The following LMTK2 variants were observed in gnomAD, a reference collection of about 807,000 sequenced individuals.
The protein encoded by LMTK2 is lemur tail kinase 2.
Under a neutral mutation model 127.5 loss-of-function variants are expected in LMTK2, and 37 were observed. That is an observed-to-expected ratio of 0.29 (90% CI 0.22 to 0.38). LMTK2 has a LOEUF of 0.38. LMTK2 is among the 10% of genes least tolerant of loss of function. The pLI, the probability that LMTK2 is intolerant of heterozygous loss-of-function variation, is 1.00. For synonymous variants in LMTK2, 819 were observed against 810.1 expected (o/e 1.01, Z -0.19); for missense variants, 1,694 against 1,920.3 (o/e 0.88, Z 2.20).
At chr7:98,154,920 C>A in intron 5 of LMTK2, 44 bp downstream of exon 5, 1 of 1,121,648 alleles carries the variant, frequency 8.9e-7, no homozygotes, top group South Asian at 1.2e-5. Flanking sequence ...AGTCTGTGGT[C>A]TGTTGAAGGT....
intron 2 of LMTK2, among the ~76,000 whole-genome samples, chr7:98,138,049 C>G (rs1290463330): frequency 6.6e-6 from 1 of 152,142 alleles, no homozygotes; most frequent in Non-Finnish European, 1.5e-5. Context: ...TAGAGAAGAT[C>G]TGGTTATAGC....
chr7:98,161,770 G>A (rs1797020127), intron 6 of LMTK2, among the ~76,000 whole-genome samples: 1 of 152,124 alleles, frequency 6.6e-6, no homozygotes, highest in Non-Finnish European at 1.5e-5. Context: ...AAAAAAGTTA[G>A]GACACAGAGA....
chr7:98,157,788 C>T (rs189283718), intron 5 of LMTK2, among the ~76,000 whole-genome samples: 14 of 152,190 alleles, frequency 9.2e-5, no homozygotes, highest in African/African-American at 3.4e-4. Context: ...TGAGAACATT[C>T]TAGAAATGGA....
chr7:98,170,134 A>T (rs563772436), intron 6 of LMTK2, among the ~76,000 whole-genome samples: 1 of 152,366 alleles, frequency 6.6e-6, no homozygotes, highest in Middle Eastern at 3.4e-3. Context: ...CCTACCATTT[A>T]TTAGCTCTGT....
intron 13 of LMTK2, among the ~76,000 whole-genome samples, chr7:98,204,605 T>C (rs1457879527): frequency 2.0e-5 from 3 of 152,152 alleles, no homozygotes; most frequent in African/African-American, 7.2e-5. Flanking sequence ...CCAGCATGGG[T>C]GACAGAGCAA....
chr7:98,193,619 G>A lies in LMTK2; in HGVS notation c.3154G>A (p.Ala1052Thr), dbSNP rs200084646. ...CTTGCATCCCGCTCCCGAGGGCACC[G>A]CAGACTCAGAACCAGCCACCACGGG... ...WTLHPAPEGT[A>T]DSEPATTGDG... Residue 1052 changes from alanine to threonine, a missense_variant, in exon 11 of 14, where the codon GCA becomes ACA. Physicochemically the swap from Ala to Thr is moderately conservative, Grantham distance 58. Transcript: ENST00000297293. The surrounding 1 kb of genome is among the most constrained non-coding windows in gnomAD (Gnocchi z 4.1). The A allele has an allele frequency of 1.2e-4, 199 of 1,613,862 alleles. No homozygotes were observed. The highest frequency in any genetic ancestry group is 1.2e-3 in the South Asian group (105 of 91,058).
At position 98,193,916 on chromosome 7, in the gene LMTK2, A is replaced by G; in HGVS notation, c.3451A>G (p.Ser1151Gly). 3 of 1,614,166 alleles carry G rather than the reference A, an allele frequency of 1.9e-6. No individual in the cohort carries two copies. Among genetic ancestry groups the G allele is most frequent in the Non-Finnish European group, 1.7e-6 (2 of 1,180,040 alleles). The part of the protein sequence containing the change: ...LPEQSPAAQD[S>G]CLEARKSQPD... The stretch of plus-strand genomic sequence containing the variant: ...CGAGCAAAGTCCTGCTGCCCAGGAT[A>G]GCTGCCTGGAAGCCAGAAAGAGCCA... Residue 1151 changes from serine to glycine, a missense_variant, in exon 11 of 14, where the codon AGC becomes GGC. Ser to Gly is a moderately conservative substitution (Grantham distance 56). This residue lies in a region of LMTK2 where 554 missense variants were observed against 567.7 expected (regional missense o/e 0.98). Coordinates refer to ENST00000297293, the MANE Select transcript of LMTK2 (RefSeq NM_014916.4). This position sits in a 1 kb window ranked among gnomAD's most constrained non-coding sequence, Gnocchi z 4.1.
At chr7:98,149,177 T>A (rs12539192) in intron 3 of LMTK2, among the ~76,000 whole-genome samples, 8,098 of 152,286 alleles carry the variant, frequency 0.053, 637 homozygotes, top group East Asian at 0.36. Flanking sequence ...TTAGGTCAAG[T>A]TAAACATAGT....
At chr7:98,136,971 A>G (rs972714521) in intron 1 of LMTK2, among the ~76,000 whole-genome samples, 5 of 152,238 alleles carry the variant, frequency 3.3e-5, no homozygotes, top group African/African-American at 1.2e-4. Context: ...TGGAGAAAAC[A>G]GTAAAATCCG....
rs1797751409 is a variant in LMTK2 at position 98,204,135 on chromosome 7, A to G, written c.4432A>G (p.Ile1478Val). ...YSRFSISPAN[I>V]ASFSLTHLTD... is the part of the protein sequence containing the mutation. ...CCGGTTCTCCATCTCTCCCGCCAAC[A>G]TTGCCAGCTTTTCCCTCACACACCT... Residue 1478 changes from isoleucine (I) to valine (V), a missense_variant, in exon 13 of 14, where the codon ATT becomes GTT. Transcript: ENST00000297293. 6.2e-7 allele frequency: 1 copy of G among 1,611,358 alleles called. No individual in the cohort carries two copies. Among genetic ancestry groups the G allele is most frequent in the East Asian group, 2.2e-5 (1 of 44,848 alleles).
At chr7:98,174,104 TAAAAAAA>T (rs11351887) in intron 7 of LMTK2, among the ~76,000 whole-genome samples, 1 of 117,898 alleles carries the variant, frequency 8.5e-6, no homozygotes, top group African/African-American at 3.5e-5. Context: ...CATTTTGTTG[TAAAAAAA>T]AAAAAAAAAA....
intron 1 of LMTK2, among the ~76,000 whole-genome samples, chr7:98,114,771 A>T (rs1296890856): frequency 6.6e-6 from 1 of 151,968 alleles, no homozygotes; most frequent in Admixed American, 6.6e-5. Context: ...TTCCATGCAA[A>T]TTCCCATCTT....
At chr7:98,177,862 C>T (rs559855824) in intron 7 of LMTK2, among the ~76,000 whole-genome samples, 14 of 152,336 alleles carry the variant, frequency 9.2e-5, no homozygotes, top group Non-Finnish European at 1.6e-4. Context: ...TATAAAGTTG[C>T]CTCTGTGTGC....
chr7:98,161,963 T>C (rs952240876), intron 6 of LMTK2, among the ~76,000 whole-genome samples: 1 of 152,252 alleles, frequency 6.6e-6, no homozygotes, highest in African/African-American at 2.4e-5. Context: ...CAATTGCCCG[T>C]TTCCCGGCTG....
chr7:98,112,080 G>A (rs142774016), intron 1 of LMTK2, among the ~76,000 whole-genome samples: 4 of 152,244 alleles, frequency 2.6e-5, no homozygotes, highest in African/African-American at 9.6e-5. Context: ...AAACACAATT[G>A]TGTATTGTCA....
intron 11 of LMTK2, among the ~76,000 whole-genome samples, chr7:98,200,417 A>C (rs1228511305): frequency 6.6e-6 from 1 of 152,240 alleles, no homozygotes; most frequent in East Asian, 1.9e-4. Context: ...GAGTGTACTT[A>C]TAACATGGCT....
At chr7:98,164,067 A>G (rs1797053228) in intron 6 of LMTK2, among the ~76,000 whole-genome samples, 1 of 152,260 alleles carries the variant, frequency 6.6e-6, no homozygotes, top group African/African-American at 2.4e-5. Context: ...GGAATTAACC[A>G]GCCTGTTTTT....
chr7:98,192,541 G>T lies in LMTK2; in HGVS notation c.2076G>T (p.Lys692Asn). 1 of 1,612,452 alleles carries T rather than the reference G, an allele frequency of 6.2e-7. No homozygotes were observed. Among genetic ancestry groups the T allele is most frequent in the Non-Finnish European group, 8.5e-7 (1 of 1,179,682 alleles). ...TGHFEKEKPRKIFDSEPLCLS... is the reference protein window; with the variant it reads ...TGHFEKEKPRNIFDSEPLCLS... ...ACTTTGAGAAAGAAAAGCCCCGTAA[G>T]ATTTTTGACAGTGAGCCTCTCTGCC... is the stretch of plus-strand genomic sequence containing the variant. The change falls in exon 11 of 14, where the codon AAG (lysine) becomes AAT (asparagine). Residue 692 changes from lysine to asparagine, a missense_variant. Physicochemically the swap from Lys to Asn is moderately conservative, Grantham distance 94. Transcript: ENST00000297293.
In LMTK2 at chr7:98,207,600, C is replaced by CCT. The variant is rs1797827718; in HGVS notation, c.*2108_*2109insCT. 3 of 151,256 alleles carry CCT rather than the reference C, an allele frequency of 2.0e-5. No homozygotes were observed. Among genetic ancestry groups the CCT allele is most frequent in the African/African-American group, 7.3e-5 (3 of 41,104 alleles). 9.4% of individuals were successfully genotyped at this position (151,256 alleles called of 1,614,324 possible). A position where few individuals can be genotyped will look rare whatever the true frequency, so the allele number is the denominator to read the frequency against. On this transcript the variant is annotated 3_prime_UTR_variant, in exon 14 of 14. Coordinates refer to ENST00000297293, the MANE Select transcript of LMTK2 (RefSeq NM_014916.4). ...TTGCTGTGGGGACTTCCTGAGTTTT[C>CCT]TCAGTTTTTACATCTAAGATTAGTC... is the stretch of plus-strand genomic sequence containing the variant.
Sources: gnomAD v4.1 joint callset for allele counts (sites outside exome capture counted in the v4.1 genomes callset) on GRCh38, gnomAD v4.1.1 for gene constraint, gnomAD v4.1.1 regional missense constraint, Gnocchi (gnomAD v3.1) non-coding constraint, MANE v1.5 for transcripts, NCBI Gene and HGNC (gene_info 2026-07-23, HGNC 2026-07-21) for gene names.